The following ELAPOR2 variants were observed in gnomAD, a reference collection of about 807,000 sequenced individuals.
ELAPOR2 encodes endosome-lysosome associated apoptosis and autophagy regulator family member 2, also known as endosome/lysosome-associated apoptosis and autophagy regulator family member 2.
ELAPOR2 carries 89 observed loss-of-function variants against 120.7 expected under a neutral mutation model. The observed-to-expected ratio is 0.74, with a 90% CI of 0.62 to 0.88. The LOEUF (loss-of-function observed/expected upper bound fraction) is 0.88. ELAPOR2 is among the 40% of genes least tolerant of loss of function. The pLI is 0.00. For synonymous variants in ELAPOR2, 444 were observed against 444.9 expected, an observed-to-expected ratio of 1.00 and a Z score of 0.03; for missense variants, 1,134 against 1,251.6, an observed-to-expected ratio of 0.91 and a Z score of 1.42.
At chr7:87,004,371 T>C (rs1793407956) in intron 1 of ELAPOR2, among the ~76,000 whole-genome samples, 2 of 152,184 alleles carry the variant, frequency 1.3e-5, no homozygotes, top group African/African-American at 4.8e-5. Flanking sequence ...AATCAATGTT[T>C]CTATACACGT....
intron 1 of ELAPOR2, among the ~76,000 whole-genome samples, chr7:86,971,868 C>A (rs1335930981): frequency 2.0e-5 from 3 of 152,078 alleles, no homozygotes; most frequent in African/African-American, 7.2e-5. Context: ...GAAAAAAAAT[C>A]TATCTAGAAA....
chr7:86,959,614 T>A (rs895644689), intron 2 of ELAPOR2, among the ~76,000 whole-genome samples: 1 of 152,248 alleles, frequency 6.6e-6, no homozygotes, highest in Admixed American at 6.5e-5. Context: ...AATTATGTGG[T>A]ATATCACATT....
chr7:87,000,476 C>T (rs1793282608), intron 1 of ELAPOR2, among the ~76,000 whole-genome samples: 3 of 152,128 alleles, frequency 2.0e-5, no homozygotes, highest in African/African-American at 7.2e-5. Flanking sequence ...TCCTCTGGCC[C>T]AGACTCTGCG....
intron 21 of ELAPOR2, among the ~76,000 whole-genome samples, chr7:86,886,862 C>T (rs960414011): frequency 1.3e-5 from 2 of 152,110 alleles, no homozygotes; most frequent in African/African-American, 4.8e-5. Context: ...GGGCCTGGTT[C>T]ACTGATGATT....
chr7:86,913,312 C>T (rs1789411258), intron 13 of ELAPOR2, 108 bp from the exon 14 acceptor site: 1 of 1,094,754 alleles, frequency 9.1e-7, no homozygotes, highest in African/African-American at 1.6e-5. Context: ...GTGTTCCAGC[C>T]TAATAGTTTG....
chr7:86,966,759 G>A (rs1791919753), intron 1 of ELAPOR2, among the ~76,000 whole-genome samples: 1 of 152,154 alleles, frequency 6.6e-6, no homozygotes, highest in Non-Finnish European at 1.5e-5. Context: ...GGCTGATCAA[G>A]GTATCGCCAG....
chr7:86,949,674 C>T (rs1322264472), intron 2 of ELAPOR2, among the ~76,000 whole-genome samples: 1 of 152,250 alleles, frequency 6.6e-6, no homozygotes, highest in African/African-American at 2.4e-5. Context: ...CTCCCCACTC[C>T]TGGCACCCCT....
At chr7:86,924,745 C>CA (rs997099365) in intron 10 of ELAPOR2, among the ~76,000 whole-genome samples, 12 of 146,450 alleles carry the variant, frequency 8.2e-5, no homozygotes, top group Non-Finnish European at 1.8e-4. Flanking sequence ...ATGACTCAAG[C>CA]TTTTTTTTTT....
chr7:87,004,032 T>C (rs576388522), intron 1 of ELAPOR2, among the ~76,000 whole-genome samples: 11 of 152,212 alleles, frequency 7.2e-5, no homozygotes, highest in South Asian at 2.1e-4. Flanking sequence ...TACAAAGCCA[T>C]CTAAAAAGTC....
chr7:87,020,491 A>G (rs1443690963), intron 1 of ELAPOR2, among the ~76,000 whole-genome samples: 2 of 152,102 alleles, frequency 1.3e-5, no homozygotes, highest in African/African-American at 4.8e-5. Flanking sequence ...CCTCTAAAAT[A>G]CTATATTGTC....
At chr7:87,016,342 C>T (rs1793867307) in intron 1 of ELAPOR2, among the ~76,000 whole-genome samples, 1 of 151,752 alleles carries the variant, frequency 6.6e-6, no homozygotes, top group African/African-American at 2.4e-5. Flanking sequence ...GGACAAGACT[C>T]CATCTCAAAA....
chr7:86,896,534 C>A (rs969164973), intron 19 of ELAPOR2, among the ~76,000 whole-genome samples: 6 of 152,082 alleles, frequency 3.9e-5, no homozygotes, highest in Non-Finnish European at 8.8e-5. Context: ...CCTTCCTGGG[C>A]AGAACTGCTT....
chr7:86,913,459 A>C (rs1054229847), intron 13 of ELAPOR2, among the ~76,000 whole-genome samples: 9 of 152,214 alleles, frequency 5.9e-5, no homozygotes, highest in African/African-American at 2.2e-4. Context: ...TGTCACAATT[A>C]GTATAAATTA....
chr7:87,041,640 C>A (rs1489405661), intron 1 of ELAPOR2, among the ~76,000 whole-genome samples: 12 of 152,072 alleles, frequency 7.9e-5, no homozygotes, highest in South Asian at 4.2e-4. Context: ...ACAACTGGTA[C>A]CAGCCGCTGC....
intron 1 of ELAPOR2, among the ~76,000 whole-genome samples, chr7:86,973,831 G>T (rs1398581015): frequency 6.6e-6 from 1 of 152,148 alleles, no homozygotes; most frequent in Non-Finnish European, 1.5e-5. Context: ...AGCTAGAGGA[G>T]GACCCTCTAT....
intron 1 of ELAPOR2, among the ~76,000 whole-genome samples, chr7:86,996,808 T>C (rs1266558636): frequency 2.0e-5 from 3 of 152,136 alleles, no homozygotes; most frequent in Non-Finnish European, 4.4e-5. Flanking sequence ...CTATCACTCC[T>C]CATCTCTCCT....
chr7:86,938,064 T>C (rs1790639808), intron 8 of ELAPOR2, 62 bp downstream of exon 8: 22 of 1,203,408 alleles, frequency 1.8e-5, no homozygotes, highest in Non-Finnish European at 2.5e-5. Context: ...AATTAGAGTC[T>C]GCTCAAATTG....
At chr7:86,991,590 G>T (rs1025885394) in intron 1 of ELAPOR2, among the ~76,000 whole-genome samples, 1 of 152,136 alleles carries the variant, frequency 6.6e-6, no homozygotes, top group Admixed American at 6.6e-5. Context: ...GAGAAAATTT[G>T]CCCCAACTCT....
chr7:86,899,903 G>GT (rs551548932), intron 18 of ELAPOR2, among the ~76,000 whole-genome samples: 87 of 150,794 alleles, frequency 5.8e-4, no homozygotes, highest in Admixed American at 1.6e-3. Flanking sequence ...AAGATAGGTG[G>GT]TTTTTTTTTA....
Sources: allele counts gnomAD v4.1 joint callset (sites outside exome capture counted in the v4.1 genomes callset), GRCh38; gene constraint gnomAD v4.1.1; transcripts MANE v1.5; gene names NCBI Gene and HGNC (gene_info 2026-07-23, HGNC 2026-07-21).